The following NELL1 variants were observed in gnomAD, a reference collection of about 807,000 sequenced individuals.
NELL1 encodes neural EGFL like 1.
Under a neutral mutation model 107.4 loss-of-function variants are expected in NELL1, and 76 were observed. That is an observed-to-expected ratio of 0.71 (90% CI 0.59 to 0.86). The LOEUF is 0.86. Among genes scored for constraint, NELL1 ranks in the 40% least tolerant of loss-of-function variants. The pLI is 0.00. For synonymous variants in NELL1, 353 were observed against 341.2 expected (o/e 1.03, Z -0.38); for missense variants, 1,024 against 1,005.5 (o/e 1.02, Z -0.25).
chr11:21,442,069 T>C lies in NELL1; in HGVS notation c.1645+71121T>C, dbSNP rs140541544. Among the ~76,000 whole-genome samples the C allele has an allele frequency of 3.2e-3, 489 of 152,126 alleles. 3 individuals are homozygous for C. Among genetic ancestry groups the C allele is most frequent in the African/African-American group, 1.0e-2 (415 of 41,550 alleles). ...ACTCTGATCCTAAGTCATCAAAAAATATTAACTTTTGTTTATTTAGTACAA... is the reference window on the plus strand; with the variant it reads ...ACTCTGATCCTAAGTCATCAAAAAACATTAACTTTTGTTTATTTAGTACAA... On this transcript the variant is annotated intron_variant, in intron 15 of 19. Coordinates refer to ENST00000357134, the MANE Select transcript of NELL1 (RefSeq NM_006157.5).
intron 13 of NELL1, among the ~76,000 whole-genome samples, chr11:21,203,504 G>A (rs1857319071): frequency 1.5e-5 from 2 of 137,796 alleles, no homozygotes; most frequent in Non-Finnish European, 3.0e-5. Context: ...GAGCCTATGT[G>A]TGTCTTTGCA....
At chr11:21,163,351 T>A (rs949627384) in intron 13 of NELL1, among the ~76,000 whole-genome samples, 1 of 152,144 alleles carries the variant, frequency 6.6e-6, no homozygotes, top group Non-Finnish European at 1.5e-5. Flanking sequence ...GGGAAGATGA[T>A]CTAGAGACAG....
intron 3 of NELL1, among the ~76,000 whole-genome samples, chr11:20,823,704 G>A (rs1483352228): frequency 1.3e-5 from 2 of 151,138 alleles, no homozygotes; most frequent in African/African-American, 4.8e-5. Context: ...CAAATACTCT[G>A]CCAAGTATGT....
At chr11:21,174,995 T>C (rs1407148888) in intron 13 of NELL1, among the ~76,000 whole-genome samples, 3 of 151,734 alleles carry the variant, frequency 2.0e-5, no homozygotes, top group Admixed American at 6.6e-5. Context: ...TCATCTCCCA[T>C]ACAAACAGGG....
At chr11:21,531,396 G>A in intron 15 of NELL1, among the ~76,000 whole-genome samples, 1 of 152,108 alleles carries the variant, frequency 6.6e-6, no homozygotes, top group Non-Finnish European at 1.5e-5. Context: ...ACAAAAACTA[G>A]TTCTAGCTAG....
intron 12 of NELL1, among the ~76,000 whole-genome samples, chr11:20,996,380 C>T (rs905638848): frequency 5.3e-5 from 8 of 152,168 alleles, no homozygotes; most frequent in African/African-American, 1.7e-4. Context: ...TGTAGCCTAG[C>T]ATGGGTTTCC....
intron 14 of NELL1, among the ~76,000 whole-genome samples, chr11:21,266,088 C>A (rs1353023906): frequency 1.3e-5 from 2 of 152,054 alleles, no homozygotes; most frequent in Non-Finnish European, 2.9e-5. Context: ...CCCTAACCCT[C>A]CTAGTCCAGA....
At chr11:20,879,397 G>A (rs1027150540) in intron 4 of NELL1, among the ~76,000 whole-genome samples, 1 of 152,162 alleles carries the variant, frequency 6.6e-6, no homozygotes, top group Non-Finnish European at 1.5e-5. Flanking sequence ...TCCTGGATGA[G>A]AACTTAAAAA....
chr11:21,070,550 A>AT (rs1272175720), intron 12 of NELL1, among the ~76,000 whole-genome samples: 1 of 151,986 alleles, frequency 6.6e-6, no homozygotes, highest in Non-Finnish European at 1.5e-5. Flanking sequence ...ATTGAACAAT[A>AT]TTTTTCCTAA....
chr11:21,575,130 C>A lies in NELL1; in HGVS notation c.*108C>A. The stretch of plus-strand genomic sequence containing the variant: ...TTTTTGTTTGTTTTGTTTTTTTAAC[C>A]ACAGATAATTGCCAAAGTTTCCACC... On this transcript the variant is annotated 3_prime_UTR_variant, in exon 20 of 20. Coordinates refer to ENST00000357134, the MANE Select transcript of NELL1 (RefSeq NM_006157.5). 9.7e-7 allele frequency: 1 copy of A among 1,025,646 alleles called. No individual in the cohort carries two copies. The highest frequency in any genetic ancestry group is 1.5e-6 in the Non-Finnish European group (1 of 669,878). 63.5% of individuals were successfully genotyped at this position (1,025,646 alleles called of 1,614,324 possible).
intron 17 of NELL1, among the ~76,000 whole-genome samples, chr11:21,569,809 G>A (rs10833573): frequency 0.49 from 73,850 of 151,532 alleles, 18,516 homozygotes; most frequent in Non-Finnish European, 0.52. Context: ...AAGCACTTCA[G>A]CAGTTGAATA....
chr11:21,188,038 G>A (rs988803268), intron 13 of NELL1, among the ~76,000 whole-genome samples: 20 of 151,822 alleles, frequency 1.3e-4, no homozygotes, highest in African/African-American at 4.9e-4. Context: ...TCTGAAAGGA[G>A]AGCTCAATAT....
chr11:21,499,927 T>G (rs1234699216), intron 15 of NELL1, among the ~76,000 whole-genome samples: 1 of 152,058 alleles, frequency 6.6e-6, no homozygotes, highest in Non-Finnish European at 1.5e-5. Context: ...GATACTGGCA[T>G]AGCTTGCTGA....
chr11:21,075,304 A>G (rs1362416003), intron 12 of NELL1, among the ~76,000 whole-genome samples: 1 of 152,166 alleles, frequency 6.6e-6, no homozygotes, highest in Non-Finnish European at 1.5e-5. Context: ...TCATACCTCC[A>G]TGTATCTTCC....
At chr11:20,882,515 G>A (rs1201378443) in intron 4 of NELL1, among the ~76,000 whole-genome samples, 1 of 152,202 alleles carries the variant, frequency 6.6e-6, no homozygotes, top group Non-Finnish European at 1.5e-5. Flanking sequence ...TTGGAAGGAA[G>A]AGAAAGCGTG....
chr11:20,963,689 C>T (rs985025726), intron 12 of NELL1, among the ~76,000 whole-genome samples: 11 of 152,108 alleles, frequency 7.2e-5, no homozygotes, highest in African/African-American at 1.4e-4. Context: ...AGGCTTCATT[C>T]GTTGTCTCTC....
intron 4 of NELL1, among the ~76,000 whole-genome samples, chr11:20,864,258 T>C (rs1363395827): frequency 6.6e-6 from 1 of 152,222 alleles, no homozygotes; most frequent in Non-Finnish European, 1.5e-5. Flanking sequence ...TGTGGAATGG[T>C]TAGAACTAGC....
At chr11:20,846,630 A>C (rs775718580) in intron 3 of NELL1, among the ~76,000 whole-genome samples, 3 of 152,132 alleles carry the variant, frequency 2.0e-5, no homozygotes, top group South Asian at 2.1e-4. Context: ...ATTTAGATCT[A>C]AGTTTAAGTC....
At chr11:20,976,278 T>C (rs1232307668) in intron 12 of NELL1, among the ~76,000 whole-genome samples, 1 of 151,888 alleles carries the variant, frequency 6.6e-6, no homozygotes, top group Non-Finnish European at 1.5e-5. Context: ...TTGAACATAA[T>C]TTGTAATAAA....
Sources: allele counts gnomAD v4.1 joint callset (sites outside exome capture counted in the v4.1 genomes callset), GRCh38; gene constraint gnomAD v4.1.1; transcripts MANE v1.5; gene names NCBI Gene and HGNC (gene_info 2026-07-23, HGNC 2026-07-21).